GALNT13: variants seen among roughly 807,000 people sequenced by gnomAD.
GALNT13 encodes UDP-GalNAc:polypeptide N-acetylgalactosaminyltransferase 13.
GALNT13 carries 28 observed loss-of-function variants against 64.2 expected under a neutral mutation model. The observed-to-expected ratio is 0.44, with a 90% CI of 0.32 to 0.60. The LOEUF is 0.60. Ranked by LOEUF, GALNT13 falls within the 20% of genes least tolerant of loss-of-function variation. The pLI is 0.05. For synonymous variants in GALNT13, 214 were observed against 224.6 expected (o/e 0.95, Z 0.42); for missense variants, 577 against 669.8 (o/e 0.86, Z 1.53).
chr2:153,394,866 G>C, the GALNT13 span, among the ~76,000 whole-genome samples: 18 of 152,100 alleles, frequency 1.2e-4, no homozygotes, highest in African/African-American at 4.3e-4. Flanking sequence ...CGTTTTCGTT[G>C]TGTAGTCTGC....
chr2:153,741,840 A>G, the GALNT13 span, among the ~76,000 whole-genome samples: 18 of 152,226 alleles, frequency 1.2e-4, no homozygotes, highest in Admixed American at 6.6e-4. Flanking sequence ...TAATTTATCT[A>G]TTTTATTATA....
chr2:154,148,394 A>C (rs1452134970), intron 4 of GALNT13, among the ~76,000 whole-genome samples: 1 of 152,196 alleles, frequency 6.6e-6, no homozygotes, highest in African/African-American at 2.4e-5. Context: ...ATACATGTGC[A>C]CGTGTCTTTA....
chr2:154,012,499 T>G (rs1241895001), intron 3 of GALNT13, among the ~76,000 whole-genome samples: 9 of 152,136 alleles, frequency 5.9e-5, no homozygotes, highest in Non-Finnish European at 2.9e-5. Context: ...TGCCTTTATT[T>G]TTTCTTTCAT....
At chr2:153,301,951 TA>T in the GALNT13 span, among the ~76,000 whole-genome samples, 13 of 151,840 alleles carry the variant, frequency 8.6e-5, no homozygotes, top group Non-Finnish European at 1.5e-4. Context: ...CCTTTGCTGA[TA>T]AACACTTAGG....
chr2:154,175,536 T>G (rs1454641328), intron 4 of GALNT13, among the ~76,000 whole-genome samples: 1 of 152,082 alleles, frequency 6.6e-6, no homozygotes, highest in Non-Finnish European at 1.5e-5. Flanking sequence ...TAGTGCTAAT[T>G]TGGAACAAGC....
At chr2:153,772,914 T>C in the GALNT13 span, among the ~76,000 whole-genome samples, 2 of 152,272 alleles carry the variant, frequency 1.3e-5, no homozygotes, top group African/African-American at 4.8e-5. Flanking sequence ...CTGCTCTGAT[T>C]TTAGGTGAGA....
At chr2:154,319,580 G>A (rs1261130547) in intron 9 of GALNT13, among the ~76,000 whole-genome samples, 2 of 151,364 alleles carry the variant, frequency 1.3e-5, no homozygotes, top group African/African-American at 2.4e-5. Context: ...CAGGAGAATC[G>A]CTTGAACCCA....
the GALNT13 span, among the ~76,000 whole-genome samples, chr2:153,362,392 T>C: frequency 1.3e-5 from 2 of 152,020 alleles, no homozygotes; most frequent in Non-Finnish European, 2.9e-5. Context: ...TAACCTTAAA[T>C]GTAAATTGTC....
At chr2:153,254,411 A>G in the GALNT13 span, among the ~76,000 whole-genome samples, 1 of 152,276 alleles carries the variant, frequency 6.6e-6, no homozygotes, top group African/African-American at 2.4e-5. Flanking sequence ...GATCCTTTCA[A>G]AAAACCAGCT....
the GALNT13 span, among the ~76,000 whole-genome samples, chr2:153,367,394 T>A: frequency 3.0e-4 from 46 of 152,204 alleles, 1 homozygote; most frequent in Middle Eastern, 3.4e-3. Flanking sequence ...AGCATAATGA[T>A]CCGTCAAGGT....
chr2:154,129,134 T>C (rs763968820), intron 3 of GALNT13, among the ~76,000 whole-genome samples: 1 of 152,196 alleles, frequency 6.6e-6, no homozygotes, highest in South Asian at 2.1e-4. Context: ...ATTGTACTTT[T>C]AGGATTCCAC....
chr2:154,140,968 G>A (rs977559173), intron 4 of GALNT13, among the ~76,000 whole-genome samples: 13 of 152,228 alleles, frequency 8.5e-5, no homozygotes, highest in African/African-American at 3.1e-4. Flanking sequence ...GTTATATAAT[G>A]TAGCCTATTG....
chr2:153,927,138 G>A (rs1277639379), intron 2 of GALNT13, among the ~76,000 whole-genome samples: 1 of 151,718 alleles, frequency 6.6e-6, no homozygotes, highest in Admixed American at 6.6e-5. Flanking sequence ...TAAGAAAATG[G>A]GTCAAAAATC....
chr2:153,804,016 T>A, the GALNT13 span, among the ~76,000 whole-genome samples: 1 of 152,164 alleles, frequency 6.6e-6, no homozygotes, highest in Non-Finnish European at 1.5e-5. Context: ...AGTGACCACA[T>A]CTGCATTTGT....
At chr2:153,294,106 A>T in the GALNT13 span, among the ~76,000 whole-genome samples, 1 of 150,380 alleles carries the variant, frequency 6.6e-6, no homozygotes, top group Non-Finnish European at 1.5e-5. Flanking sequence ...TACAAGCATG[A>T]GCCACTGCAC....
At chr2:153,643,688 G>A in the GALNT13 span, among the ~76,000 whole-genome samples, 1 of 151,828 alleles carries the variant, frequency 6.6e-6, no homozygotes, top group African/African-American at 2.4e-5. Context: ...ATTTAGCAAT[G>A]TAGATGAAAA....
intron 4 of GALNT13, among the ~76,000 whole-genome samples, chr2:154,165,634 T>A (rs1018501634): frequency 3.7e-4 from 57 of 152,338 alleles, no homozygotes; most frequent in African/African-American, 1.3e-3. Flanking sequence ...TTAATAGGAA[T>A]AGATGCAGCA....
At chr2:154,143,860 CAAAAAAAAAAAAA>C (rs34582475) in intron 4 of GALNT13, among the ~76,000 whole-genome samples, 16 of 58,904 alleles carry the variant, frequency 2.7e-4, no homozygotes, top group Non-Finnish European at 3.3e-4. Flanking sequence ...GACTCTGTCT[CAAAAAAAAAAAAA>C]AAAAAAAAAA....
the GALNT13 span, among the ~76,000 whole-genome samples, chr2:153,120,273 G>A: frequency 0.1 from 15,916 of 152,204 alleles, 924 homozygotes; most frequent in African/African-American, 0.12. Flanking sequence ...AACTCTTCAC[G>A]TGGTAGATTC....
Sources: gnomAD v4.1 joint callset for allele counts (sites outside exome capture counted in the v4.1 genomes callset) on GRCh38, gnomAD v4.1.1 for gene constraint, MANE v1.5 for transcripts, NCBI Gene and HGNC (gene_info 2026-07-23, HGNC 2026-07-21) for gene names.